The following UNC13C variants were observed in gnomAD, a reference collection of about 807,000 sequenced individuals.
UNC13C encodes the protein unc-13 homolog C.
A neutral mutation model predicts 245.4 loss-of-function variants in UNC13C; 174 were observed. The observed-to-expected ratio is 0.71, with a 90% CI of 0.63 to 0.80. The LOEUF is 0.80. UNC13C is among the 30% of genes least tolerant of loss of function. UNC13C has a pLI of 0.00. For synonymous variants in UNC13C, 992 were observed against 895.1 expected (o/e 1.11, Z -1.93); for missense variants, 2,829 against 2,602.9 (o/e 1.09, Z -1.89).
chr15:54,008,198 C>T (rs1393796221), intron 1 of UNC13C, among the ~76,000 whole-genome samples: 1 of 152,024 alleles, frequency 6.6e-6, no homozygotes, highest in East Asian at 1.9e-4. Context: ...AACATATTTC[C>T]CATTAAACAC....
At chr15:54,080,276 G>A (rs1595822235) in intron 2 of UNC13C, among the ~76,000 whole-genome samples, 1 of 151,716 alleles carries the variant, frequency 6.6e-6, no homozygotes, top group Admixed American at 6.6e-5. Context: ...CTGACCTATA[G>A]TTTTCTATTT....
intron 19 of UNC13C, among the ~76,000 whole-genome samples, chr15:54,425,234 G>A (rs1315668608): frequency 2.0e-5 from 3 of 151,800 alleles, no homozygotes; most frequent in Non-Finnish European, 2.9e-5. Flanking sequence ...TATGTAGATG[G>A]CAGAGTTCAA....
chr15:54,632,089 A>G, downstream of UNC13C: 1 of 152,234 alleles, frequency 6.6e-6, no homozygotes, highest in East Asian at 1.9e-4. Flanking sequence ...CTGAGGACTA[A>G]TAACATTGAG....
At chr15:54,425,956 C>T (rs2040750429) in intron 19 of UNC13C, among the ~76,000 whole-genome samples, 1 of 151,708 alleles carries the variant, frequency 6.6e-6, no homozygotes. Context: ...CAGAGGCTTC[C>T]CACATTTCAT....
chr15:54,602,705 C>T (rs1437020881), intron 30 of UNC13C, among the ~76,000 whole-genome samples: 1 of 152,022 alleles, frequency 6.6e-6, no homozygotes, highest in Non-Finnish European at 1.5e-5. Context: ...TGCCAGTCAC[C>T]CCAGAAGTTC....
intron 29 of UNC13C, among the ~76,000 whole-genome samples, chr15:54,557,400 C>G (rs1897135037): frequency 6.6e-6 from 1 of 151,970 alleles, no homozygotes; most frequent in South Asian, 2.1e-4. Context: ...TTTTCAATGA[C>G]TGTCATCAGT....
the UNC13C span, among the ~76,000 whole-genome samples, chr15:53,868,037 G>A: frequency 6.6e-6 from 1 of 152,120 alleles, no homozygotes; most frequent in Non-Finnish European, 1.5e-5. Context: ...GTCTACCTAT[G>A]TTGCCCAGAC....
the UNC13C span, among the ~76,000 whole-genome samples, chr15:53,867,873 C>T: frequency 6.6e-6 from 1 of 152,108 alleles, no homozygotes; most frequent in Non-Finnish European, 1.5e-5. Flanking sequence ...CTCTGTCACC[C>T]AGGCTGGAGT....
intron 14 of UNC13C, among the ~76,000 whole-genome samples, chr15:54,325,891 G>T (rs1215244152): frequency 6.6e-6 from 1 of 151,914 alleles, no homozygotes; most frequent in Non-Finnish European, 1.5e-5. Context: ...TTATCTGCTT[G>T]GGTAGGGATT....
At chr15:54,103,261 A>G (rs1900259078) in intron 2 of UNC13C, among the ~76,000 whole-genome samples, 1 of 152,170 alleles carries the variant, frequency 6.6e-6, no homozygotes, top group African/African-American at 2.4e-5. Flanking sequence ...ACACACATAG[A>G]AACACCTGTT....
At chr15:53,966,947 AT>A in the UNC13C span, among the ~76,000 whole-genome samples, 2 of 152,102 alleles carry the variant, frequency 1.3e-5, no homozygotes, top group African/African-American at 4.8e-5. Flanking sequence ...AGCATAATTC[AT>A]TTTACTTATT....
At chr15:54,487,347 T>C (rs1298938146) in intron 19 of UNC13C, among the ~76,000 whole-genome samples, 1 of 152,218 alleles carries the variant, frequency 6.6e-6, no homozygotes, top group Non-Finnish European at 1.5e-5. Context: ...TTTGCTTTTT[T>C]TCCTGGTATT....
intron 17 of UNC13C, among the ~76,000 whole-genome samples, chr15:54,342,627 AT>A (rs2038762318): frequency 6.6e-6 from 1 of 152,134 alleles, no homozygotes; most frequent in African/African-American, 2.4e-5. Context: ...TCCACTAGAT[AT>A]TAAAAATTGT....
At chr15:54,242,530 C>G (rs913727239) in intron 7 of UNC13C, among the ~76,000 whole-genome samples, 1 of 152,046 alleles carries the variant, frequency 6.6e-6, no homozygotes, top group African/African-American at 2.4e-5. Context: ...AAAATTAAAA[C>G]TGCAGGAAAT....
chr15:54,365,686 T>C (rs753728640), intron 17 of UNC13C, among the ~76,000 whole-genome samples: 1 of 151,604 alleles, frequency 6.6e-6, no homozygotes, highest in Non-Finnish European at 1.5e-5. Context: ...AGAGTTGGAG[T>C]CTTTCTAGTG....
At chr15:54,492,159 A>G (rs924911394) in intron 19 of UNC13C, among the ~76,000 whole-genome samples, 3 of 152,206 alleles carry the variant, frequency 2.0e-5, no homozygotes, top group African/African-American at 4.8e-5. Flanking sequence ...GCCGTATTCC[A>G]AACACACATT....
intron 18 of UNC13C, among the ~76,000 whole-genome samples, chr15:54,406,015 A>T (rs1012125797): frequency 1.4e-4 from 22 of 152,188 alleles, no homozygotes; most frequent in Middle Eastern, 3.4e-3. Flanking sequence ...AGAATATCTT[A>T]TCCTTCTATC....
intron 2 of UNC13C, among the ~76,000 whole-genome samples, chr15:54,087,699 G>A (rs949658025): frequency 6.6e-6 from 1 of 152,270 alleles, no homozygotes; most frequent in African/African-American, 2.4e-5. Flanking sequence ...GCTTTAGGCA[G>A]AGCCTTGTCT....
chr15:54,331,386 T>A (rs1276895616), intron 14 of UNC13C, among the ~76,000 whole-genome samples: 1 of 152,026 alleles, frequency 6.6e-6, no homozygotes, highest in Non-Finnish European at 1.5e-5. Context: ...TTCAAATACT[T>A]CTGTTAAGAG....
Sources: gnomAD v4.1 joint callset for allele counts (sites outside exome capture counted in the v4.1 genomes callset) on GRCh38, gnomAD v4.1.1 for gene constraint, MANE v1.5 for transcripts, NCBI Gene and HGNC (gene_info 2026-07-23, HGNC 2026-07-21) for gene names.